The following TNIP3 variants were observed in gnomAD, a reference collection of about 807,000 sequenced individuals.
TNIP3 encodes TNFAIP3 interacting protein 3, also known as TNFAIP3-interacting protein 3.
Under a neutral mutation model 54.1 loss-of-function variants are expected in TNIP3, and 34 were observed. The ratio of observed to expected loss-of-function variants is 0.63; its 90% CI spans 0.48 to 0.84. TNIP3 has a LOEUF of 0.84. TNIP3 is among the 40% of genes least tolerant of loss of function. TNIP3 has a pLI of 0.00. For synonymous variants in TNIP3, 134 were observed against 136.8 expected (o/e 0.98, Z 0.14); for missense variants, 366 against 387.6 (o/e 0.94, Z 0.47).
chr4:121,192,545 G>C (rs143938699), intron 2 of TNIP3, among the ~76,000 whole-genome samples: 2 of 152,220 alleles, frequency 1.3e-5, no homozygotes, highest in South Asian at 4.1e-4. Flanking sequence ...CTCCTGAAAA[G>C]CTTCTATCGA....
At position 121,222,804 on chromosome 4, in the gene TNIP3, G is replaced by GTTTTTTTT. The variant is rs138758827; in HGVS notation, c.3+4573_3+4580dup. Among the ~76,000 whole-genome samples, 77 of 105,764 alleles carry GTTTTTTTT rather than the reference G, an allele frequency of 7.3e-4. 1 individual carries two copies. Among genetic ancestry groups the GTTTTTTTT allele is most frequent in the Middle Eastern group, 6.2e-3 (1 of 162 alleles). The allele number at this position is 105,764 out of a possible 152,430, so 69.4% of individuals were successfully genotyped here. A position where few individuals can be genotyped will look rare whatever the true frequency, so the allele number is the denominator to read the frequency against. On this transcript the variant is annotated intron_variant, in intron 1 of 12. Transcript: ENST00000509841. ...GTGGAGCTGAGGGTGTTTTTTGTGC[G>GTTTTTTTT]TTTTTTTTTTTTTTTTTTTGAGACG... is the stretch of plus-strand genomic sequence containing the variant.
chr4:121,154,433 G>A, intron 5 of TNIP3, 118 bp downstream of exon 5: 2 of 1,264,916 alleles, frequency 1.6e-6, no homozygotes, highest in Non-Finnish European at 2.2e-6. Flanking sequence ...ATAATTTCTT[G>A]TGCAAGCCTC....
intron 2 of TNIP3, among the ~76,000 whole-genome samples, chr4:121,184,314 G>A (rs1724886285): frequency 6.6e-6 from 1 of 152,220 alleles, no homozygotes; most frequent in South Asian, 2.1e-4. Flanking sequence ...GAGGTTGCTA[G>A]GGTTGTCTGC....
rs570999819 is a variant in TNIP3, at chr4:121,221,739, T to C, written c.4-5239A>G. On this transcript the variant is annotated intron_variant, in intron 1 of 12. Coordinates refer to the TNIP3 transcript ENST00000509841. ...GTTTGGCTAAACCAAAAGAAAGAAC[T>C]ACCCAACAGAGCTGTAACTATTTTT... Among the ~76,000 whole-genome samples, 7 of 152,128 alleles carry C rather than the reference T, an allele frequency of 4.6e-5. No homozygotes were observed. The East Asian group carries it at 1.3e-3, about 29-fold the overall frequency.
At chr4:121,172,976 C>A (rs1463442077) in intron 3 of TNIP3, among the ~76,000 whole-genome samples, 1 of 152,158 alleles carries the variant, frequency 6.6e-6, no homozygotes, top group Non-Finnish European at 1.5e-5. Flanking sequence ...TTCATAACAG[C>A]CCCGTAAGAA....
At chr4:121,148,969 T>C (rs1009319778) in intron 6 of TNIP3, among the ~76,000 whole-genome samples, 3 of 152,208 alleles carry the variant, frequency 2.0e-5, no homozygotes, top group Non-Finnish European at 2.9e-5. Flanking sequence ...GCCTCAGGGA[T>C]TGAGGTTCCT....
intron 10 of TNIP3, chr4:121,137,424 A>G: frequency 6.6e-6 from 1 of 152,250 alleles, no homozygotes. Context: ...AGTAGAAAGC[A>G]AAGAAAAAAG....
rs1728931263 is a variant in TNIP3, at chr4:121,138,656, T to C, written c.914A>G (p.Gln305Arg). ...CTTGTGTTGTACATCTGGCGGAAGCTGGTCAAGAGCATACCACTGATAGTC... is the reference window on the plus strand; with the variant it reads ...CTTGTGTTGTACATCTGGCGGAAGCCGGTCAAGAGCATACCACTGATAGTC... ...PPDYQWYALD[Q>R]LPPDVQHKAN... Residue 305 changes from glutamine to arginine, a missense_variant, in exon 10 of 11, where the codon CAG becomes CGG. Coordinates refer to ENST00000057513, the MANE Select transcript of TNIP3 (RefSeq NM_024873.6). 1.9e-6 allele frequency: 3 copies of C among 1,614,078 alleles called. No homozygotes were observed. The highest frequency in any genetic ancestry group is 2.5e-6 in the Non-Finnish European group (3 of 1,179,922).
intron 1 of TNIP3, chr4:121,216,507 T>C: frequency 6.5e-7 from 1 of 1,535,460 alleles, no homozygotes; most frequent in Non-Finnish European, 8.7e-7. Flanking sequence ...GAATCTAAAA[T>C]AAAAAAATAT....
intron 3 of TNIP3, 110 bp from the exon 4 acceptor site, chr4:121,157,353 C>T: frequency 7.1e-7 from 1 of 1,402,682 alleles, no homozygotes; most frequent in Non-Finnish European, 9.9e-7. Context: ...CCCAGGACGT[C>T]CCCTAAGGAG....
Position 121,164,207 on chromosome 4 carries a change from C to A in TNIP3, c.-82G>T, listed in dbSNP as rs1730633774. ...CTTAAGGTATATTTTAGGGTGAGAG[C>A]AAGTATACAAAATTTAAAAAACACA... On this transcript the variant is annotated 5_prime_UTR_variant, in exon 1 of 11. Transcript: ENST00000057513. 8.8e-6 allele frequency: 14 copies of A among 1,593,620 alleles called. No individual in the cohort carries two copies. Among genetic ancestry groups the A allele is most frequent in the Non-Finnish European group, 1.2e-5 (14 of 1,172,072 alleles).
intron 2 of TNIP3, among the ~76,000 whole-genome samples, chr4:121,186,207 C>T (rs182699455): frequency 6.2e-4 from 95 of 152,268 alleles, no homozygotes; most frequent in African/African-American, 2.2e-3. Flanking sequence ...AAAAGAGAAC[C>T]ATATGGTGGT....
intron 2 of TNIP3, among the ~76,000 whole-genome samples, chr4:121,185,331 G>T (rs1724957609): frequency 6.6e-6 from 1 of 152,214 alleles, no homozygotes; most frequent in Non-Finnish European, 1.5e-5. Context: ...TTCATTCAGT[G>T]CTGGCTTAAA....
chr4:121,166,904 G>T (rs1730798218), upstream of TNIP3, among the ~76,000 whole-genome samples: 1 of 152,150 alleles, frequency 6.6e-6, no homozygotes, highest in African/African-American at 2.4e-5. Flanking sequence ...TCTAGAATTA[G>T]ATTATCTGGA....
At chr4:121,226,944 ATTGC>A (rs140323540) in intron 1 of TNIP3, among the ~76,000 whole-genome samples, 101,498 of 151,466 alleles carry the variant, frequency 0.67, 34,995 homozygotes, top group South Asian at 0.91. Context: ...GGCTCTGCTC[ATTGC>A]TTAATCAAGA....
intron 6 of TNIP3, 88 bp from the exon 7 acceptor site, chr4:121,147,262 C>A: frequency 6.8e-7 from 1 of 1,480,668 alleles, no homozygotes. Flanking sequence ...GCTGCCTACT[C>A]CATTATTGTA....
chr4:121,218,173 C>A (rs918640207), upstream of TNIP3, among the ~76,000 whole-genome samples: 4 of 152,052 alleles, frequency 2.6e-5, no homozygotes, highest in African/African-American at 9.7e-5. Flanking sequence ...ATTACAGATA[C>A]AACATCATAA....
At chr4:121,177,571 A>G (rs1350979214) in intron 3 of TNIP3, among the ~76,000 whole-genome samples, 2 of 152,218 alleles carry the variant, frequency 1.3e-5, no homozygotes, top group African/African-American at 4.8e-5. Context: ...CACCCTTCAC[A>G]TCCCATAAAG....
At chr4:121,133,949 G>A (rs1199987062) in intron 10 of TNIP3, among the ~76,000 whole-genome samples, 1 of 151,854 alleles carries the variant, frequency 6.6e-6, no homozygotes, top group Non-Finnish European at 1.5e-5. Context: ...TTTGGAAGGA[G>A]CTTGGCCCTG....
Sources: gnomAD v4.1 joint callset for allele counts (sites outside exome capture counted in the v4.1 genomes callset) on GRCh38, gnomAD v4.1.1 for gene constraint, MANE v1.5 for transcripts, NCBI Gene and HGNC (gene_info 2026-07-23, HGNC 2026-07-21) for gene names.